BCL2L13: variants seen among roughly 807,000 people sequenced by gnomAD.
The protein encoded by BCL2L13 is bcl-2-like protein 13.
Under a neutral mutation model 25.8 loss-of-function variants are expected in BCL2L13, and 13 were observed. The observed-to-expected ratio is 0.50, with a 90% CI of 0.33 to 0.80. The LOEUF is 0.80. BCL2L13 is among the 30% of genes least tolerant of loss of function. BCL2L13 has a pLI of 0.02. For missense variants in BCL2L13, 504 were observed against 574.9 expected, an observed-to-expected ratio of 0.88 and a Z score of 1.26; for synonymous variants, 244 against 230.3, an observed-to-expected ratio of 1.06 and a Z score of -0.54.
chr22:17,719,664 A>G (rs2061046983), intron 6 of BCL2L13, among the ~76,000 whole-genome samples: 1 of 152,004 alleles, frequency 6.6e-6, no homozygotes, highest in Non-Finnish European at 1.5e-5. Context: ...CCCCATCTCT[A>G]CTAAAAATAC....
At chr22:17,707,309 A>G (rs1311493586) in intron 6 of BCL2L13, among the ~76,000 whole-genome samples, 1 of 152,080 alleles carries the variant, frequency 6.6e-6, no homozygotes, top group Non-Finnish European at 1.5e-5. Context: ...AGCACTCTCC[A>G]TTTTCTTATT....
intron 6 of BCL2L13, among the ~76,000 whole-genome samples, chr22:17,726,017 G>C (rs961148890): frequency 5.3e-5 from 8 of 152,002 alleles, no homozygotes; most frequent in Non-Finnish European, 1.0e-4. Context: ...GTCAAGTGTG[G>C]AATTTTCCAC....
chr22:17,718,782 C>CT (rs1316518982), intron 6 of BCL2L13, among the ~76,000 whole-genome samples: 1 of 152,192 alleles, frequency 6.6e-6, no homozygotes, highest in Non-Finnish European at 1.5e-5. Flanking sequence ...CCTTGTTTAT[C>CT]TCCCTGTTTC....
intron 2 of BCL2L13, among the ~76,000 whole-genome samples, chr22:17,669,034 T>TTC (rs1410859335): frequency 1.4e-4 from 20 of 141,348 alleles, no homozygotes; most frequent in Non-Finnish European, 2.8e-4. Flanking sequence ...TTCTTTCTTT[T>TTC]TTTTTTTTTT....
chr22:17,716,533 A>G (rs1302628097), intron 6 of BCL2L13, among the ~76,000 whole-genome samples: 1 of 152,182 alleles, frequency 6.6e-6, no homozygotes, highest in Admixed American at 6.5e-5. Context: ...TTTGGGTGAA[A>G]TGATGGCCCT....
intron 2 of BCL2L13, among the ~76,000 whole-genome samples, chr22:17,656,335 C>T (rs376175548): frequency 2.1e-3 from 122 of 57,818 alleles, no homozygotes; most frequent in East Asian, 0.011. Flanking sequence ...TCATTTTATT[C>T]TTTTTTTTTT....
upstream of BCL2L13, among the ~76,000 whole-genome samples, chr22:17,637,322 G>A (rs946850757): frequency 1.3e-5 from 2 of 150,484 alleles, no homozygotes; most frequent in African/African-American, 2.4e-5. Flanking sequence ...CAGGAGAATC[G>A]CTTGAACCCG....
At chr22:17,633,334 A>C (rs1030823559) in intron 1 of BCL2L13, among the ~76,000 whole-genome samples, 2 of 152,226 alleles carry the variant, frequency 1.3e-5, no homozygotes, top group Non-Finnish European at 2.9e-5. Flanking sequence ...TGTAAGCTTT[A>C]CAGAGATAAC....
chr22:17,634,534 CT>C (rs1047833095), upstream of BCL2L13, among the ~76,000 whole-genome samples: 2 of 152,146 alleles, frequency 1.3e-5, no homozygotes, highest in African/African-American at 4.8e-5. Context: ...CAATGTTTTT[CT>C]TTTCTGGTTT....
At chr22:17,667,690 G>T (rs145240514) in intron 2 of BCL2L13, among the ~76,000 whole-genome samples, 4 of 150,054 alleles carry the variant, frequency 2.7e-5, no homozygotes, top group African/African-American at 9.8e-5. Flanking sequence ...TGTATTTTTA[G>T]TAGAGACGGA....
chr22:17,691,828 G>A lies in BCL2L13; in HGVS notation c.386+2686G>A, dbSNP rs547572721. On this transcript the variant is annotated intron_variant, in intron 4 of 6. Transcript: ENST00000317582. Reference sequence around the variant, plus strand: ...GTATTGTTTCTGAAGTCCTTTTTATGATCTACAGGAAAAATTGATGTCTTC... The same window carrying A: ...GTATTGTTTCTGAAGTCCTTTTTATAATCTACAGGAAAAATTGATGTCTTC... Among the ~76,000 whole-genome samples, 4 of 152,130 alleles carry A rather than the reference G, an allele frequency of 2.6e-5. No individual in the cohort carries two copies. The South Asian group carries it at 8.3e-4, about 32-fold the overall frequency.
At chr22:17,718,783 T>A (rs572659689) in intron 6 of BCL2L13, among the ~76,000 whole-genome samples, 1 of 152,314 alleles carries the variant, frequency 6.6e-6, no homozygotes, top group East Asian at 1.9e-4. Context: ...CTTGTTTATC[T>A]CCCTGTTTCC....
At chr22:17,643,838 C>T (rs1568919389) in intron 1 of BCL2L13, among the ~76,000 whole-genome samples, 1 of 151,870 alleles carries the variant, frequency 6.6e-6, no homozygotes, top group Non-Finnish European at 1.5e-5. Flanking sequence ...TGGTCTCGAT[C>T]TCCTGATCTT....
rs547274609 is a variant in BCL2L13 at position 17,680,948 on chromosome 22, T to C, written c.122-2266T>C. ...TATGGTGCCAGTTGGGATGGCGCTG[T>C]AGGGTGTGGCGGTCACTGAGAACGT... On this transcript the variant is annotated intron_variant, in intron 2 of 6. Transcript: ENST00000317582. 3.2e-4 allele frequency among the ~76,000 whole-genome samples: 48 copies of C among 152,102 alleles called. No homozygotes were observed. The South Asian group carries it at 5.2e-3, about 16-fold the overall frequency.
rs904395304 is a variant in BCL2L13, at chr22:17,655,747, C to T, written c.36C>T (p.His12=). The T allele has an allele frequency of 6.2e-7, 1 of 1,613,524 alleles. No homozygotes were observed. The highest frequency in any genetic ancestry group is 1.3e-5 in the African/African-American group (1 of 74,894). The part of the protein sequence containing the change: ...ASSSTVPLGF[H]YETKYVVLSY... ...CTTCTACTGTGCCTCTGGGATTTCA[C>T]TATGAAACAAAGTATGTTGTTCTCA... Residue 12 remains histidine, a synonymous_variant, in exon 2 of 7, where the codon CAC becomes CAT. Transcript: ENST00000317582.
chr22:17,655,228 T>C lies in BCL2L13; in HGVS notation c.-50-434T>C, dbSNP rs115508704. Among the ~76,000 whole-genome samples, 496 of 151,732 alleles carry C rather than the reference T, an allele frequency of 3.3e-3. 3 individuals carry two copies. The highest frequency in any genetic ancestry group is 0.012 in the African/African-American group (481 of 41,402). ...TTCAGAGGCAGTAACACCCATGGAG[T>C]TGACATTTCCAGTAACAATGCCTTC... On this transcript the variant is annotated intron_variant, in intron 1 of 6. Transcript: ENST00000317582.
chr22:17,636,581 G>A (rs1445518665), upstream of BCL2L13, among the ~76,000 whole-genome samples: 1 of 151,992 alleles, frequency 6.6e-6, no homozygotes, highest in Non-Finnish European at 1.5e-5. Context: ...CCAAGGCCAA[G>A]AGTTGGAGAC....
chr22:17,658,554 C>G (rs905981614), intron 2 of BCL2L13, among the ~76,000 whole-genome samples: 6 of 151,638 alleles, frequency 4.0e-5, no homozygotes, highest in African/African-American at 1.2e-4. Context: ...ATTAGCCGGG[C>G]ATGGTGGCAC....
chr22:17,654,859 C>T (rs1316339616), intron 1 of BCL2L13, among the ~76,000 whole-genome samples: 1 of 151,918 alleles, frequency 6.6e-6, no homozygotes, highest in East Asian at 1.9e-4. Context: ...GTAACTGGGA[C>T]CATAGGCAGG....
Sources: gnomAD v4.1 joint callset for allele counts (sites outside exome capture counted in the v4.1 genomes callset) on GRCh38, gnomAD v4.1.1 for gene constraint, MANE v1.5 for transcripts, NCBI Gene and HGNC (gene_info 2026-07-23, HGNC 2026-07-21) for gene names.